Variants in MSRB3 observed in about 807,000 individuals in gnomAD.
The protein encoded by MSRB3 is methionine-R-sulfoxide reductase B3.
A neutral mutation model predicts 21.0 loss-of-function variants in MSRB3; 13 were observed. The observed-to-expected ratio is 0.62, with a 90% CI of 0.40 to 0.98. The LOEUF (loss-of-function observed/expected upper bound fraction) is 0.98, where lower values mean the gene tolerates loss of function less well. MSRB3 is among the 50% of genes least tolerant of loss of function. The pLI, the probability that MSRB3 is intolerant of heterozygous loss-of-function variation, is 0.00. For synonymous variants in MSRB3, 87 were observed against 88.6 expected (o/e 0.98, Z 0.10); for missense variants, 199 against 230.3 (o/e 0.86, Z 0.88).
intron 1 of MSRB3, chr12:65,284,824 A>G (rs1872246753): frequency 6.6e-6 from 1 of 152,160 alleles, no homozygotes; most frequent in African/African-American, 2.4e-5. Flanking sequence ...AACTTGAGAG[A>G]TAATACATGG....
At chr12:65,278,989 G>A in intron 1 of MSRB3, 124 bp downstream of exon 1, 1 of 1,490,542 alleles carries the variant, frequency 6.7e-7, no homozygotes, top group Non-Finnish European at 9.0e-7. Context: ...TCGGCCACCT[G>A]CGGGGACAGC....
rs1489629771 is a variant in MSRB3, at chr12:65,463,307, C to A, written c.543C>A (p.Asp181Glu). 4 of 1,614,124 alleles carry A rather than the reference C, an allele frequency of 2.5e-6. No individual in the cohort carries two copies. The highest frequency in any genetic ancestry group is 3.4e-6 in the Non-Finnish European group (4 of 1,180,020). The change falls in exon 7 of 7, where the codon GAC becomes GAA. Residue 181 changes from aspartate (D) to glutamate (E), a missense_variant. By Grantham distance (45) the Asp-to-Glu change is conservative. Coordinates refer to ENST00000308259, the MANE Select transcript of MSRB3 (RefSeq NM_001031679.3). ...GGGTCGCCAGCCCGGCCCAGGCAGA[C>A]AAAGCGGAGCTCTAGAGTAATGGAG... Reference protein sequence around the residue: ...GSGVASPAQADKAEL With the variant: ...GSGVASPAQAEKAEL
At chr12:65,427,655 G>C (rs1302075447) in intron 5 of MSRB3, among the ~76,000 whole-genome samples, 1 of 152,112 alleles carries the variant, frequency 6.6e-6, no homozygotes, top group African/African-American at 2.4e-5. Flanking sequence ...TGGGCTCTGG[G>C]GTGTAATGGC....
chr12:65,409,115 A>ATT (rs1192745572), intron 5 of MSRB3, among the ~76,000 whole-genome samples: 1 of 150,884 alleles, frequency 6.6e-6, no homozygotes, highest in African/African-American at 2.4e-5. Flanking sequence ...ACAGCAATAT[A>ATT]TTATATATAT....
intron 4 of MSRB3, among the ~76,000 whole-genome samples, chr12:65,365,456 A>T (rs1877955363): frequency 6.6e-6 from 1 of 152,206 alleles, no homozygotes. Context: ...GGAGTGATAC[A>T]TGCAAAGTGT....
chr12:65,393,438 C>G (rs773227900), intron 5 of MSRB3, among the ~76,000 whole-genome samples: 3 of 151,908 alleles, frequency 2.0e-5, no homozygotes, highest in Non-Finnish European at 4.4e-5. Flanking sequence ...TCAAGACCAT[C>G]CTGGCTAACA....
chr12:65,375,869 G>A (rs1878583952), intron 5 of MSRB3, among the ~76,000 whole-genome samples: 3 of 149,860 alleles, frequency 2.0e-5, no homozygotes, highest in African/African-American at 7.4e-5. Context: ...TTTATTGTTT[G>A]GTAGTCAAAG....
chr12:65,408,476 C>T (rs1270457437), intron 5 of MSRB3, among the ~76,000 whole-genome samples: 1 of 152,182 alleles, frequency 6.6e-6, no homozygotes, highest in Non-Finnish European at 1.5e-5. Context: ...TCATGTTTAT[C>T]TGACTAGGAG....
chr12:65,278,817 C>T lies in MSRB3; in HGVS notation c.-100C>T, dbSNP rs982121336. On this transcript the variant is annotated 5_prime_UTR_variant, in exon 1 of 7. Coordinates refer to ENST00000308259, the MANE Select transcript of MSRB3 (RefSeq NM_001031679.3). The stretch of plus-strand genomic sequence containing the variant: ...GCGCCCCCTCTCGCTCTGCCTCTCC[C>T]TCTGCCTCTGCCTCTGCCTGGCCGC... 3.0e-5 allele frequency: 47 copies of T among 1,565,140 alleles called. No homozygotes were observed. The highest frequency in any genetic ancestry group is 4.0e-5 in the Non-Finnish European group (46 of 1,155,232).
chr12:65,295,411 T>A (rs1037127067), intron 1 of MSRB3, among the ~76,000 whole-genome samples: 4 of 152,192 alleles, frequency 2.6e-5, no homozygotes, highest in African/African-American at 9.7e-5. Context: ...TTTTAAGGAT[T>A]ATTTTTATCT....
intron 4 of MSRB3, among the ~76,000 whole-genome samples, chr12:65,342,472 T>G (rs1351848227): frequency 1.3e-5 from 2 of 151,976 alleles, no homozygotes; most frequent in Admixed American, 1.3e-4. Flanking sequence ...TCCAATATTG[T>G]CAAATTAAGT....
chr12:65,342,718 G>A (rs1592542490), intron 4 of MSRB3, among the ~76,000 whole-genome samples: 1 of 151,852 alleles, frequency 6.6e-6, no homozygotes, highest in East Asian at 1.9e-4. Flanking sequence ...TAATTTCAAT[G>A]TCCAAAATAG....
intron 2 of MSRB3, among the ~76,000 whole-genome samples, chr12:65,322,850 A>G (rs950647566): frequency 2.0e-5 from 3 of 152,072 alleles, no homozygotes; most frequent in African/African-American, 4.8e-5. Context: ...AGAATTATTG[A>G]GAAGATTAAA....
chr12:65,443,966 T>G (rs752683853), intron 5 of MSRB3, among the ~76,000 whole-genome samples: 8 of 152,218 alleles, frequency 5.3e-5, no homozygotes, highest in Non-Finnish European at 1.0e-4. Flanking sequence ...TCATATATTG[T>G]AAATATAATG....
intron 5 of MSRB3, among the ~76,000 whole-genome samples, chr12:65,376,245 G>T (rs1244740145): frequency 6.6e-6 from 1 of 150,504 alleles, no homozygotes; most frequent in Non-Finnish European, 1.5e-5. Flanking sequence ...TCAGCCTCCC[G>T]AGTAGCTGGG....
chr12:65,279,094 C>T, intron 1 of MSRB3: 3 of 1,391,494 alleles, frequency 2.2e-6, no homozygotes, highest in Non-Finnish European at 2.8e-6. Context: ...TTCCCCCCAC[C>T]CGCCGAAGGG....
At chr12:65,440,324 A>C (rs1882313195) in intron 5 of MSRB3, among the ~76,000 whole-genome samples, 1 of 151,914 alleles carries the variant, frequency 6.6e-6, no homozygotes, top group Non-Finnish European at 1.5e-5. Context: ...TAAAATAATC[A>C]AAAGCAAAGT....
At chr12:65,428,879 A>C (rs745821904) in intron 5 of MSRB3, among the ~76,000 whole-genome samples, 1 of 152,058 alleles carries the variant, frequency 6.6e-6, no homozygotes, top group Non-Finnish European at 1.5e-5. Flanking sequence ...CCTCCCTTGG[A>C]ATATCCTTTT....
At chr12:65,427,772 T>G (rs1351925190) in intron 5 of MSRB3, among the ~76,000 whole-genome samples, 2 of 152,198 alleles carry the variant, frequency 1.3e-5, no homozygotes, top group South Asian at 2.1e-4. Flanking sequence ...CACAAATGTG[T>G]GTAGTTACAG....
Sources: gnomAD v4.1 joint callset for allele counts (sites outside exome capture counted in the v4.1 genomes callset) on GRCh38, gnomAD v4.1.1 for gene constraint, MANE v1.5 for transcripts, NCBI Gene and HGNC (gene_info 2026-07-23, HGNC 2026-07-21) for gene names.